The following RBFOX1 variants were observed in gnomAD, a reference collection of about 807,000 sequenced individuals.
RBFOX1 encodes the protein RNA binding fox-1 homolog 1.
RBFOX1 carries 8 observed loss-of-function variants against 57.7 expected under a neutral mutation model. The ratio of observed to expected loss-of-function variants is 0.14; its 90% CI spans 0.08 to 0.25. RBFOX1 has a LOEUF of 0.25. Among genes scored for constraint, RBFOX1 ranks in the 10% least tolerant of loss-of-function variants. The pLI, the probability that RBFOX1 is intolerant of heterozygous loss-of-function variation, is 1.00. For missense variants in RBFOX1, 611 were observed against 548.5 expected (o/e 1.11, Z -1.14); for synonymous variants, 326 against 222.4 (o/e 1.47, Z -4.15).
intron 2 of RBFOX1, among the ~76,000 whole-genome samples, chr16:6,438,207 G>C (rs2094288801): frequency 1.3e-5 from 2 of 152,172 alleles, no homozygotes; most frequent in African/African-American, 4.8e-5. Context: ...CTAATTACTT[G>C]ATAGCCAGCA....
intron 1 of RBFOX1, among the ~76,000 whole-genome samples, chr16:6,158,826 A>C (rs1376741686): frequency 6.6e-6 from 1 of 152,142 alleles, no homozygotes; most frequent in African/African-American, 2.4e-5. Flanking sequence ...TTGAATTCTA[A>C]GAGAGAATAG....
chr16:6,929,707 A>ATT (rs56797994), intron 3 of RBFOX1, among the ~76,000 whole-genome samples: 1 of 151,894 alleles, frequency 6.6e-6, no homozygotes, highest in Admixed American at 6.6e-5. Context: ...CTACGGGGTT[A>ATT]TTTTTTTTAA....
At chr16:5,400,091 TTTTC>T (rs1286711299) in intron 1 of RBFOX1, among the ~76,000 whole-genome samples, 4 of 151,986 alleles carry the variant, frequency 2.6e-5, no homozygotes, top group South Asian at 4.2e-4. Flanking sequence ...TTCTTTTTTC[TTTTC>T]TTTCTTTCTT....
At chr16:6,492,252 T>C (rs1163258587) in intron 2 of RBFOX1, among the ~76,000 whole-genome samples, 5 of 152,166 alleles carry the variant, frequency 3.3e-5, no homozygotes, top group Non-Finnish European at 5.9e-5. Context: ...CCTTCTTCTG[T>C]AGAGGACTAT....
chr16:6,582,853 G>C (rs1189329614), intron 2 of RBFOX1, among the ~76,000 whole-genome samples: 3 of 104,338 alleles, frequency 2.9e-5, no homozygotes, highest in Admixed American at 2.3e-4. Flanking sequence ...CATTTCAACA[G>C]AAACAACTGA....
intron 4 of RBFOX1, among the ~76,000 whole-genome samples, chr16:7,489,229 C>CT (rs1567461507): frequency 6.6e-6 from 1 of 152,024 alleles, no homozygotes. Flanking sequence ...TAACTGATAC[C>CT]TTTTTTTAAA....
At chr16:5,253,505 G>C (rs2151083245) in intron 1 of RBFOX1, among the ~76,000 whole-genome samples, 1 of 152,266 alleles carries the variant, frequency 6.6e-6, no homozygotes, top group African/African-American at 2.4e-5. Flanking sequence ...CTAGGACTCT[G>C]TCCTGGGTAT....
intron 2 of RBFOX1, among the ~76,000 whole-genome samples, chr16:6,418,403 T>G (rs2093682903): frequency 6.6e-6 from 1 of 152,094 alleles, no homozygotes; most frequent in Non-Finnish European, 1.5e-5. Flanking sequence ...AATATGTCTA[T>G]AAACCTGGGA....
intron 3 of RBFOX1, among the ~76,000 whole-genome samples, chr16:6,891,002 C>T (rs186155790): frequency 3.2e-4 from 48 of 152,274 alleles, no homozygotes; most frequent in African/African-American, 1.1e-3. Context: ...TCAGACCCTT[C>T]AACACTGTGA....
At chr16:6,565,080 G>C (rs1219063778) in intron 2 of RBFOX1, among the ~76,000 whole-genome samples, 1 of 142,306 alleles carries the variant, frequency 7.0e-6, no homozygotes, top group Non-Finnish European at 1.5e-5. Context: ...GTAGTGAGCA[G>C]AGATTGCATC....
chr16:7,442,773 C>G (rs549562301), intron 4 of RBFOX1, among the ~76,000 whole-genome samples: 33 of 152,284 alleles, frequency 2.2e-4, no homozygotes, highest in African/African-American at 7.9e-4. Flanking sequence ...ACCATGGCCT[C>G]AGACGTCGAT....
chr16:6,152,207 G>A (rs1198459200), intron 1 of RBFOX1, among the ~76,000 whole-genome samples: 2 of 152,140 alleles, frequency 1.3e-5, no homozygotes, highest in Non-Finnish European at 2.9e-5. Context: ...TCAATCCAAT[G>A]GAATAACATA....
chr16:7,113,475 G>C (rs1056828132), intron 4 of RBFOX1, among the ~76,000 whole-genome samples: 5 of 152,046 alleles, frequency 3.3e-5, no homozygotes, highest in Non-Finnish European at 5.9e-5. Context: ...TTTCGATCTT[G>C]TTATGTATTT....
At position 7,071,776 on chromosome 16, in the gene RBFOX1, A is replaced by G. The variant is rs571794475; in HGVS notation, c.27+19678A>G. On this transcript the variant is annotated intron_variant, in intron 4 of 15. Coordinates refer to ENST00000550418, the MANE Select transcript of RBFOX1 (RefSeq NM_018723.4). ...ATATCACTTAGACATCTTAAACTTC[A>G]TATACCCAAATTCACACTCATCATC... Among the ~76,000 whole-genome samples, 24 of 152,180 alleles carry G rather than the reference A, an allele frequency of 1.6e-4. No individual in the cohort carries two copies. In the South Asian group the frequency reaches 5.0e-3, roughly 32 times the overall value.
Position 7,582,178 on chromosome 16 carries a change from C to T in RBFOX1, c.414+2258C>T, listed in dbSNP as rs886743873. Among the ~76,000 whole-genome samples the T allele has an allele frequency of 2.0e-5, 3 of 152,098 alleles. No individual in the cohort carries two copies. The South Asian group carries it at 6.2e-4, about 32-fold the overall frequency. On this transcript the variant is annotated intron_variant, in intron 6 of 15. Transcript: ENST00000550418. ...GACTAGCTGGGACTACATGCATTCA[C>T]CACTTCACTTTAAAGTCAAGATTTT...
intron 4 of RBFOX1, among the ~76,000 whole-genome samples, chr16:7,408,319 G>A (rs77652192): frequency 0.023 from 3,452 of 152,224 alleles, 57 homozygotes; most frequent in Middle Eastern, 0.048. Context: ...CAATACAGCA[G>A]AAGAACTTTT....
chr16:5,424,253 G>A (rs746981265), intron 1 of RBFOX1, among the ~76,000 whole-genome samples: 3 of 152,154 alleles, frequency 2.0e-5, no homozygotes, highest in Admixed American at 6.5e-5. Context: ...GAGAGACAGC[G>A]CCACCTAATT....
chr16:6,943,306 C>A (rs553433613), intron 3 of RBFOX1, among the ~76,000 whole-genome samples: 7 of 152,330 alleles, frequency 4.6e-5, no homozygotes, highest in African/African-American at 1.4e-4. Context: ...GGTGTTAAAG[C>A]AAACCAAATA....
chr16:7,235,247 T>C (rs2093709954), intron 4 of RBFOX1, among the ~76,000 whole-genome samples: 1 of 152,210 alleles, frequency 6.6e-6, no homozygotes, highest in Non-Finnish European at 1.5e-5. Flanking sequence ...ATTTTTATTT[T>C]ACATTTCAGG....
Sources: allele counts gnomAD v4.1 joint callset (sites outside exome capture counted in the v4.1 genomes callset), GRCh38; gene constraint gnomAD v4.1.1; transcripts MANE v1.5; gene names NCBI Gene and HGNC (gene_info 2026-07-23, HGNC 2026-07-21).